SULT2B1: variants seen among roughly 807,000 people sequenced by gnomAD.
SULT2B1 encodes sulfotransferase family 2B member 1.
A neutral mutation model predicts 33.2 loss-of-function variants in SULT2B1; 16 were observed. That is an observed-to-expected ratio of 0.48 (90% CI 0.33 to 0.73). The LOEUF (loss-of-function observed/expected upper bound fraction) is 0.73, where lower values mean the gene tolerates loss of function less well. Ranked by LOEUF, SULT2B1 falls within the 30% of genes least tolerant of loss-of-function variation. The pLI, the probability that SULT2B1 is intolerant of heterozygous loss-of-function variation, is 0.02. For missense variants in SULT2B1, 500 were observed against 506.0 expected (o/e 0.99, Z 0.11); for synonymous variants, 186 against 200.5 (o/e 0.93, Z 0.61).
intron 1 of SULT2B1, among the ~76,000 whole-genome samples, chr19:48,567,703 C>T (rs1973263935): frequency 6.6e-6 from 1 of 152,122 alleles, no homozygotes; most frequent in African/African-American, 2.4e-5. Flanking sequence ...GGTGCGGTGG[C>T]TCACGCCTGT....
chr19:48,581,472 G>GTTTTTTTT lies in SULT2B1; in HGVS notation c.214+5398_214+5405dup, dbSNP rs4011541. On this transcript the variant is annotated intron_variant, in intron 2 of 6. Transcript: ENST00000201586. ...GTTTTCTTATCATTGAGATTTGAGAGTTTTTTTTTTTTTTTTGAGACAGAG... is the reference window on the plus strand; with the variant it reads ...GTTTTCTTATCATTGAGATTTGAGAGTTTTTTTTTTTTTTTTTTTTTTTTGAGACAGAG... 8.4e-5 allele frequency among the ~76,000 whole-genome samples: 10 copies of GTTTTTTTT among 118,900 alleles called. 1 individual carries two copies. Among genetic ancestry groups the GTTTTTTTT allele is most frequent in the African/African-American group, 2.7e-4 (8 of 29,812 alleles). 78.0% of individuals were successfully genotyped at this position (118,900 alleles called of 152,430 possible). A position where few individuals can be genotyped will look rare whatever the true frequency, so the allele number is the denominator to read the frequency against.
chr19:48,565,505 G>A (rs908086418), intron 1 of SULT2B1, among the ~76,000 whole-genome samples: 1 of 150,970 alleles, frequency 6.6e-6, no homozygotes, highest in African/African-American at 2.4e-5. Flanking sequence ...TCAGCCTCCC[G>A]AGTAGCTGGG....
chr19:48,556,200 CA>C (rs1309686925), intron 1 of SULT2B1, among the ~76,000 whole-genome samples: 1 of 152,096 alleles, frequency 6.6e-6, no homozygotes, highest in Non-Finnish European at 1.5e-5. Flanking sequence ...GATTTTTGGC[CA>C]GGGGAATGAG....
chr19:48,579,773 A>C (rs1473880040), intron 2 of SULT2B1, among the ~76,000 whole-genome samples: 1 of 146,068 alleles, frequency 6.8e-6, no homozygotes, highest in East Asian at 2.1e-4. Flanking sequence ...CGCCCAGCTA[A>C]TTTTTGTATT....
intron 2 of SULT2B1, among the ~76,000 whole-genome samples, chr19:48,576,360 T>TTTTC (rs1356271675): frequency 1.9e-4 from 10 of 52,984 alleles, no homozygotes; most frequent in Non-Finnish European, 2.3e-4. Flanking sequence ...TCTACTTCTC[T>TTTTC]TTTTTTTTTT....
At chr19:48,580,160 G>A (rs1462834300) in intron 2 of SULT2B1, among the ~76,000 whole-genome samples, 4 of 148,988 alleles carry the variant, frequency 2.7e-5, no homozygotes, top group African/African-American at 7.4e-5. Flanking sequence ...TCAAACTCCC[G>A]AGCTCAAGCA....
chr19:48,575,744 G>A (rs1177419934), intron 1 of SULT2B1, 197 bp from the exon 2 acceptor site: 2 of 936,862 alleles, frequency 2.1e-6, no homozygotes, highest in Non-Finnish European at 3.0e-6. Context: ...GTCTCCCAAA[G>A]TGCTGGGATT....
At chr19:48,594,478 C>G (rs921608463) in intron 5 of SULT2B1, among the ~76,000 whole-genome samples, 9 of 152,162 alleles carry the variant, frequency 5.9e-5, no homozygotes, top group African/African-American at 1.7e-4. Flanking sequence ...GGTGTCGGTG[C>G]TACTCCTCCC....
chr19:48,564,801 G>T (rs1277467814), intron 1 of SULT2B1, among the ~76,000 whole-genome samples: 1 of 151,704 alleles, frequency 6.6e-6, no homozygotes, highest in Non-Finnish European at 1.5e-5. Flanking sequence ...TGTTGTTGTT[G>T]TTGTTTTGAG....
chr19:48,596,557 C>T lies in SULT2B1; in HGVS notation c.646-182C>T, dbSNP rs546816974. ...CTAGAGAACCCTCCAAAGACAGAAACTGCAAAAACCCTTAGAGGCGATATA... is the reference window on the plus strand; with the variant it reads ...CTAGAGAACCCTCCAAAGACAGAAATTGCAAAAACCCTTAGAGGCGATATA... On this transcript the variant is annotated intron_variant, in intron 5 of 6. Transcript: ENST00000201586. 96 of 627,266 alleles carry T rather than the reference C, an allele frequency of 1.5e-4. 1 individual carries two copies. In the Middle Eastern group the frequency reaches 1.8e-3, roughly 12 times the overall value. 38.9% of individuals were successfully genotyped at this position (627,266 alleles called of 1,614,324 possible). A position where few individuals can be genotyped will look rare whatever the true frequency, so the allele number is the denominator to read the frequency against.
At chr19:48,578,219 T>C (rs888410276) in intron 2 of SULT2B1, among the ~76,000 whole-genome samples, 2 of 151,758 alleles carry the variant, frequency 1.3e-5, no homozygotes, top group Admixed American at 6.6e-5. Flanking sequence ...TCTCAACAAA[T>C]AGAAAAAGGT....
intron 1 of SULT2B1, among the ~76,000 whole-genome samples, chr19:48,553,655 C>T (rs74413734): frequency 0.017 from 2,587 of 152,176 alleles, 69 homozygotes; most frequent in African/African-American, 0.06. Context: ...CCTCCCCTCC[C>T]TCAGCCAGAA....
rs78268474 is a variant in SULT2B1, at chr19:48,563,586, T to C, written c.71+11263T>C. Reference sequence around the variant, plus strand: ...TGTGTAAGATGACAGTTCCAGAACATGCAAGACTGGGCTGATGCAATCTGT... The same window carrying C: ...TGTGTAAGATGACAGTTCCAGAACACGCAAGACTGGGCTGATGCAATCTGT... On this transcript the variant is annotated intron_variant, in intron 1 of 6. Transcript: ENST00000201586. Among the ~76,000 whole-genome samples the C allele has an allele frequency of 4.9e-3, 751 of 152,252 alleles. 3 individuals carry two copies. The highest frequency in any genetic ancestry group is 8.4e-3 in the Non-Finnish European group (569 of 68,028).
In SULT2B1 at chr19:48,552,267, C is replaced by G. The variant is rs16982141; in HGVS notation, c.15C>G (p.Ala5=). The stretch of plus-strand genomic sequence containing the variant: ...ACCCACCTGCCATGGACGGGCCCGC[C>G]GAGCCCCAGATCCCGGGCTTGTGGG... MDGP[A]EPQIPGLWDT... is the part of the protein sequence containing the mutation. Residue 5 remains alanine (A), a synonymous_variant, in exon 1 of 7, where the codon GCC becomes GCG. Transcript: ENST00000201586. The surrounding 1 kb of genome is among the most constrained non-coding windows in gnomAD (Gnocchi z 4.8). 13 of 1,613,826 alleles carry G rather than the reference C, an allele frequency of 8.1e-6. No homozygotes were observed. Among genetic ancestry groups the G allele is most frequent in the Non-Finnish European group, 1.0e-5 (12 of 1,179,922 alleles).
At chr19:48,565,879 G>C (rs973949544) in intron 1 of SULT2B1, among the ~76,000 whole-genome samples, 1 of 150,844 alleles carries the variant, frequency 6.6e-6, no homozygotes, top group Non-Finnish European at 1.5e-5. Context: ...AGCCTCCCAA[G>C]TAGCTGAGAA....
chr19:48,592,934 C>T, intron 5 of SULT2B1, 118 bp downstream of exon 5: 1 of 831,868 alleles, frequency 1.2e-6, no homozygotes, highest in Non-Finnish European at 1.9e-6. Context: ...TGCGCCAGCC[C>T]CTGGGGATAC....
chr19:48,554,305 C>A (rs1164129300), intron 1 of SULT2B1, among the ~76,000 whole-genome samples: 1 of 150,998 alleles, frequency 6.6e-6, no homozygotes, highest in Non-Finnish European at 1.5e-5. Context: ...CCACGTACCC[C>A]CCCAGATTCG....
At chr19:48,562,743 G>C (rs186977065) in intron 1 of SULT2B1, among the ~76,000 whole-genome samples, 1 of 151,948 alleles carries the variant, frequency 6.6e-6, no homozygotes, top group South Asian at 2.1e-4. Flanking sequence ...GCAGTGGCGC[G>C]ATCTCAGCTC....
intron 5 of SULT2B1, 62 bp from the exon 6 acceptor site, chr19:48,596,677 G>T: frequency 2.0e-6 from 3 of 1,483,508 alleles, no homozygotes; most frequent in Non-Finnish European, 2.7e-6. Flanking sequence ...CGGATCCCAG[G>T]TTCCACGCTC....
Sources: allele counts gnomAD v4.1 joint callset (sites outside exome capture counted in the v4.1 genomes callset), GRCh38; gene constraint gnomAD v4.1.1; non-coding constraint Gnocchi (gnomAD v3.1); transcripts MANE v1.5; gene names NCBI Gene and HGNC (gene_info 2026-07-23, HGNC 2026-07-21).